Variants in SLC25A21 observed in about 807,000 individuals in gnomAD.
SLC25A21 encodes mitochondrial 2-oxodicarboxylate carrier.
In SLC25A21, 47 loss-of-function variants were observed where a neutral mutation model predicts 43.8. The ratio of observed to expected loss-of-function variants is 1.07; its 90% CI spans 0.85 to 1.37. The LOEUF (loss-of-function observed/expected upper bound fraction) is 1.37, where lower values mean the gene tolerates loss of function less well. Among genes scored for constraint, SLC25A21 ranks in the 40% most tolerant of loss-of-function variants. The pLI is 0.00. For missense variants in SLC25A21, 352 were observed against 350.2 expected (o/e 1.00, Z -0.04); for synonymous variants, 131 against 121.3 (o/e 1.08, Z -0.52).
chr14:37,040,244 G>A lies in SLC25A21; in HGVS notation c.70+132037C>T, dbSNP rs762621820. On this transcript the variant is annotated intron_variant, in intron 1 of 9. Coordinates refer to ENST00000331299, the MANE Select transcript of SLC25A21 (RefSeq NM_030631.4). ...AAAAAGAAAAAGAAAGGGAGGAAGGGAGGAAGGGAGGGAGGGAGGGAGGGA... is the reference window on the plus strand; with the variant it reads ...AAAAAGAAAAAGAAAGGGAGGAAGGAAGGAAGGGAGGGAGGGAGGGAGGGA... Among the ~76,000 whole-genome samples the A allele has an allele frequency of 3.1e-3, 110 of 35,946 alleles. 4 individuals are homozygous for A. Among genetic ancestry groups the A allele is most frequent in the African/African-American group, 0.022 (64 of 2,848 alleles). The allele number at this position is 35,946 out of a possible 152,430, so 23.6% of individuals were successfully genotyped here. A position where few individuals can be genotyped will look rare whatever the true frequency, so the allele number is the denominator to read the frequency against.
At chr14:37,033,830 A>T (rs1269641394) in intron 1 of SLC25A21, among the ~76,000 whole-genome samples, 1 of 152,166 alleles carries the variant, frequency 6.6e-6, no homozygotes, top group Admixed American at 6.6e-5. Flanking sequence ...TTTGATTAAT[A>T]AAAATAACAT....
intron 1 of SLC25A21, among the ~76,000 whole-genome samples, chr14:36,966,182 T>C (rs776833714): frequency 6.6e-6 from 1 of 152,114 alleles, no homozygotes; most frequent in Non-Finnish European, 1.5e-5. Flanking sequence ...ATTTCCAAGG[T>C]AGCTTCTCTC....
intron 1 of SLC25A21, among the ~76,000 whole-genome samples, chr14:36,921,082 T>A (rs948903032): frequency 5.9e-5 from 9 of 152,108 alleles, no homozygotes; most frequent in African/African-American, 2.2e-4. Context: ...TAAAACAACT[T>A]ATGGATTTTT....
intron 1 of SLC25A21, among the ~76,000 whole-genome samples, chr14:36,938,118 T>C (rs1182199214): frequency 1.3e-5 from 2 of 152,172 alleles, no homozygotes; most frequent in East Asian, 3.9e-4. Flanking sequence ...TTGATTTAGA[T>C]TGTTTTCTCA....
intron 7 of SLC25A21, among the ~76,000 whole-genome samples, chr14:36,691,493 T>C (rs1882792843): frequency 6.6e-6 from 1 of 152,266 alleles, no homozygotes; most frequent in Admixed American, 6.5e-5. Flanking sequence ...ACTTAATTGA[T>C]GTTCCTCACC....
intron 1 of SLC25A21, among the ~76,000 whole-genome samples, chr14:36,929,951 T>C (rs1424470112): frequency 6.6e-6 from 1 of 152,170 alleles, no homozygotes; most frequent in Non-Finnish European, 1.5e-5. Context: ...GAATACTCAC[T>C]TCTGTGGGAA....
chr14:37,041,078 GA>G (rs1594765619), intron 1 of SLC25A21, among the ~76,000 whole-genome samples: 1 of 152,038 alleles, frequency 6.6e-6, no homozygotes, highest in East Asian at 1.9e-4. Context: ...GATAGAGAGT[GA>G]AAAAGAATAA....
intron 1 of SLC25A21, among the ~76,000 whole-genome samples, chr14:37,168,148 AT>A (rs771047381): frequency 1.3e-5 from 2 of 152,002 alleles, no homozygotes; most frequent in Non-Finnish European, 2.9e-5. Context: ...CATAGACCAT[AT>A]TTTGAGTACC....
At chr14:36,695,056 T>C (rs1882956692) in intron 7 of SLC25A21, among the ~76,000 whole-genome samples, 1 of 152,350 alleles carries the variant, frequency 6.6e-6, no homozygotes, top group African/African-American at 2.4e-5. Context: ...AACATGTAAG[T>C]CTTTAATCCA....
intron 1 of SLC25A21, among the ~76,000 whole-genome samples, chr14:36,946,123 C>G (rs1410840707): frequency 6.6e-6 from 1 of 152,090 alleles, no homozygotes; most frequent in South Asian, 2.1e-4. Context: ...TAGCAAGAAG[C>G]AAGTAGAATG....
Position 37,160,218 on chromosome 14 carries a change from T to A in SLC25A21, c.70+12063A>T, listed in dbSNP as rs77786628. On this transcript the variant is annotated intron_variant, in intron 1 of 9. Coordinates refer to ENST00000331299, the MANE Select transcript of SLC25A21 (RefSeq NM_030631.4). ...GATCCAGCAATTCCACTACTGGGTA[T>A]CTACCCAAAGGAAATGAAATCCACA... Among the ~76,000 whole-genome samples the A allele has an allele frequency of 2.0e-3, 310 of 152,322 alleles. 1 individual carries two copies. The highest frequency in any genetic ancestry group is 7.1e-3 in the African/African-American group (295 of 41,580).
At chr14:36,963,630 C>A (rs1250219947) in intron 1 of SLC25A21, among the ~76,000 whole-genome samples, 1 of 152,164 alleles carries the variant, frequency 6.6e-6, no homozygotes, top group Non-Finnish European at 1.5e-5. Context: ...GCCGCTACAA[C>A]CTTTAACCCT....
At chr14:36,946,718 A>G (rs7145237) in intron 1 of SLC25A21, among the ~76,000 whole-genome samples, 11,606 of 152,200 alleles carry the variant, frequency 0.076, 671 homozygotes, top group East Asian at 0.22. Flanking sequence ...TTGCTCAACG[A>G]ATGTCCAGCC....
Position 37,083,243 on chromosome 14 carries a change from C to T in SLC25A21, c.70+89038G>A, listed in dbSNP as rs532630217. On this transcript the variant is annotated intron_variant, in intron 1 of 9. Transcript: ENST00000331299. ...TTTCATTAAGTGAATTCACCAAATG[C>T]TTTTTCAGTCAACAAGCATTAAGAG... Among the ~76,000 whole-genome samples, 99 of 152,256 alleles carry T rather than the reference C, an allele frequency of 6.5e-4. No homozygotes were observed. In the Middle Eastern group the frequency reaches 0.01, roughly 16 times the overall value.
chr14:36,686,647 G>A (rs1391603370), intron 7 of SLC25A21, among the ~76,000 whole-genome samples: 1 of 152,232 alleles, frequency 6.6e-6, no homozygotes. Flanking sequence ...TATGTAGCCT[G>A]TTTTCTAAAG....
At chr14:36,856,939 G>A (rs1186479518) in intron 2 of SLC25A21, among the ~76,000 whole-genome samples, 1 of 152,192 alleles carries the variant, frequency 6.6e-6, no homozygotes, top group Admixed American at 6.5e-5. Context: ...ATCCAAGGAA[G>A]CTCACTGCTG....
At chr14:36,926,642 G>A (rs758136753) in intron 1 of SLC25A21, among the ~76,000 whole-genome samples, 3 of 152,040 alleles carry the variant, frequency 2.0e-5, no homozygotes, top group Non-Finnish European at 2.9e-5. Flanking sequence ...GTGTTTGGAC[G>A]AGGACACTCA....
At chr14:37,147,441 C>G (rs1386197392) in intron 1 of SLC25A21, among the ~76,000 whole-genome samples, 1 of 152,088 alleles carries the variant, frequency 6.6e-6, no homozygotes, top group Non-Finnish European at 1.5e-5. Context: ...ACCTTCCTAT[C>G]TCATTGTCAA....
chr14:36,994,360 A>G (rs1960327753), intron 1 of SLC25A21, among the ~76,000 whole-genome samples: 1 of 152,212 alleles, frequency 6.6e-6, no homozygotes, highest in Non-Finnish European at 1.5e-5. Context: ...TCCTTGTGGG[A>G]AGGAAGAGAA....
Sources: allele counts gnomAD v4.1 joint callset (sites outside exome capture counted in the v4.1 genomes callset), GRCh38; gene constraint gnomAD v4.1.1; transcripts MANE v1.5; gene names NCBI Gene and HGNC (gene_info 2026-07-23, HGNC 2026-07-21).